Variants in CFAP20DC observed in about 807,000 individuals in gnomAD.
CFAP20DC encodes the protein CFAP20 domain containing.
Under a neutral mutation model 101.7 loss-of-function variants are expected in CFAP20DC, and 84 were observed. The ratio of observed to expected loss-of-function variants is 0.83; its 90% CI spans 0.69 to 0.99. The LOEUF (loss-of-function observed/expected upper bound fraction) is 0.99. CFAP20DC is among the 50% of genes least tolerant of loss of function. CFAP20DC has a pLI of 0.00. For synonymous variants in CFAP20DC, 359 were observed against 351.2 expected (o/e 1.02, Z -0.25); for missense variants, 1,007 against 970.3 (o/e 1.04, Z -0.50).
At position 59,030,115 on chromosome 3, in the gene CFAP20DC, C is replaced by T. The variant is rs115732057; in HGVS notation, c.278+9442G>A. Reference sequence around the variant, plus strand: ...TGTATCTTTGTGAAACAAAATGCCTCTCCCATTCTGACAATGAAAAATTTT... The same window carrying T: ...TGTATCTTTGTGAAACAAAATGCCTTTCCCATTCTGACAATGAAAAATTTT... On this transcript the variant is annotated intron_variant, in intron 4 of 16. Coordinates refer to ENST00000482387, the MANE Select transcript of CFAP20DC (RefSeq NM_001394063.1). 3.2e-3 allele frequency among the ~76,000 whole-genome samples: 483 copies of T among 152,320 alleles called. 4 individuals carry two copies. Among genetic ancestry groups the T allele is most frequent in the African/African-American group, 0.011 (465 of 41,562 alleles).
intron 4 of CFAP20DC, among the ~76,000 whole-genome samples, chr3:58,948,709 T>G (rs551783473): frequency 6.6e-6 from 1 of 152,208 alleles, no homozygotes; most frequent in Middle Eastern, 3.2e-3. Flanking sequence ...TATTGAGGAT[T>G]TTTGCATCGA....
rs567076674 is a variant in CFAP20DC at position 58,825,465 on chromosome 3, A to G, written c.2175+6221T>C. 5.3e-5 allele frequency among the ~76,000 whole-genome samples: 8 copies of G among 152,230 alleles called. No individual in the cohort carries two copies. In the South Asian group the frequency reaches 1.0e-3, roughly 20 times the overall value. On this transcript the variant is annotated intron_variant, in intron 14 of 16. Coordinates refer to ENST00000482387, the MANE Select transcript of CFAP20DC (RefSeq NM_001394063.1). Reference sequence around the variant, plus strand: ...AATTTGAGCCCAGGTTGACTGATCTAGAGTTTATATTTGTTTGGGCATCCC... The same window carrying G: ...AATTTGAGCCCAGGTTGACTGATCTGGAGTTTATATTTGTTTGGGCATCCC...
intron 4 of CFAP20DC, among the ~76,000 whole-genome samples, chr3:59,010,381 G>A (rs2093555185): frequency 6.6e-6 from 1 of 151,946 alleles, no homozygotes; most frequent in Non-Finnish European, 1.5e-5. Context: ...CCATGTAAAT[G>A]GAAACCAAAA....
intron 6 of CFAP20DC, among the ~76,000 whole-genome samples, chr3:58,907,449 G>T (rs1485187736): frequency 6.6e-6 from 1 of 152,186 alleles, no homozygotes; most frequent in Non-Finnish European, 1.5e-5. Flanking sequence ...TCATCCCGGG[G>T]TCTGGTGAAC....
rs562991040 is a variant in CFAP20DC at position 58,833,678 on chromosome 3, T to C, written c.1972-1789A>G. On this transcript the variant is annotated intron_variant, in intron 13 of 16. Transcript: ENST00000482387. ...ACAGTTTGGCAGTTCCTCAAAATGT[T>C]AAACATCTGAGTTACCATGTGACCC... is the stretch of plus-strand genomic sequence containing the variant. Among the ~76,000 whole-genome samples, 14 of 152,308 alleles carry C rather than the reference T, an allele frequency of 9.2e-5. No individual in the cohort carries two copies. The East Asian group carries it at 1.7e-3, about 19-fold the overall frequency.
intron 14 of CFAP20DC, among the ~76,000 whole-genome samples, chr3:58,806,879 T>C (rs541208843): frequency 4.6e-5 from 7 of 152,156 alleles, no homozygotes; most frequent in Non-Finnish European, 1.0e-4. Context: ...ACTGCACTTT[T>C]CCAACGGGCT....
chr3:58,906,798 C>T (rs1193646330), intron 6 of CFAP20DC, among the ~76,000 whole-genome samples: 1 of 152,006 alleles, frequency 6.6e-6, no homozygotes, highest in East Asian at 1.9e-4. Context: ...GCAGGTGGTA[C>T]ACACCTGTAG....
chr3:58,808,625 G>C (rs903599343), intron 14 of CFAP20DC, among the ~76,000 whole-genome samples: 11 of 152,226 alleles, frequency 7.2e-5, no homozygotes, highest in Middle Eastern at 3.4e-3. Context: ...AAATTGTAAA[G>C]ACCATCGAGG....
At chr3:58,972,893 A>G (rs2092032009) in intron 4 of CFAP20DC, among the ~76,000 whole-genome samples, 1 of 152,218 alleles carries the variant, frequency 6.6e-6, no homozygotes, top group African/African-American at 2.4e-5. Context: ...CGTTCATTTT[A>G]TGGGGAGAAG....
At chr3:58,945,596 A>G (rs945099554) in intron 4 of CFAP20DC, among the ~76,000 whole-genome samples, 4 of 152,004 alleles carry the variant, frequency 2.6e-5, no homozygotes, top group African/African-American at 9.7e-5. Context: ...AAATCCTCTC[A>G]GTTATTAGCG....
chr3:58,839,477 A>G (rs1440938189), intron 13 of CFAP20DC, among the ~76,000 whole-genome samples: 1 of 152,214 alleles, frequency 6.6e-6, no homozygotes, highest in African/African-American at 2.4e-5. Context: ...GTCACATAAA[A>G]GCTTCTGAGT....
intron 13 of CFAP20DC, among the ~76,000 whole-genome samples, chr3:58,839,669 T>G (rs1198333993): frequency 6.6e-6 from 1 of 152,178 alleles, no homozygotes; most frequent in Non-Finnish European, 1.5e-5. Flanking sequence ...TATTAAAGAA[T>G]TGACAGTGAA....
chr3:58,933,493 C>G (rs1037493320), intron 5 of CFAP20DC, among the ~76,000 whole-genome samples: 8 of 152,156 alleles, frequency 5.3e-5, no homozygotes, highest in African/African-American at 1.9e-4. Flanking sequence ...CACACCACAC[C>G]TATTCCAAAA....
chr3:58,969,006 T>A (rs541319204), intron 4 of CFAP20DC, among the ~76,000 whole-genome samples: 1 of 152,294 alleles, frequency 6.6e-6, no homozygotes, highest in South Asian at 2.1e-4. Flanking sequence ...TTGTTGAAGA[T>A]CAGATGGCTG....
intron 4 of CFAP20DC, among the ~76,000 whole-genome samples, chr3:58,982,807 T>C (rs1267365317): frequency 6.6e-6 from 1 of 151,650 alleles, no homozygotes; most frequent in Admixed American, 6.6e-5. Flanking sequence ...TGTATACATA[T>C]GTAATAAACC....
In CFAP20DC at chr3:58,869,679, T is replaced by C. The variant is rs372337990; in HGVS notation, c.853-189A>G. ...AAATGGAAGGAGAAAAATAACGAGA[T>C]AAAATAGAAGACATGCAAGTCTCCT... is the stretch of plus-strand genomic sequence containing the variant. On this transcript the variant is annotated intron_variant, in intron 8 of 16. Coordinates refer to ENST00000482387, the MANE Select transcript of CFAP20DC (RefSeq NM_001394063.1). This position sits in a 1 kb window ranked among gnomAD's most constrained non-coding sequence, Gnocchi z 4.3. Among the ~76,000 whole-genome samples, 28 of 152,214 alleles carry C rather than the reference T, an allele frequency of 1.8e-4. No homozygotes were observed. In the East Asian group the frequency reaches 5.0e-3, roughly 27 times the overall value.
chr3:58,794,274 G>T, intron 15 of CFAP20DC: 1 of 446,548 alleles, frequency 2.2e-6, no homozygotes, highest in Non-Finnish European at 4.5e-6. Flanking sequence ...GCATTTTCTT[G>T]TCCTGAGCAC....
Position 58,941,204 on chromosome 3 carries a change from C to G in CFAP20DC, c.279-3442G>C, listed in dbSNP as rs147287525. Among the ~76,000 whole-genome samples, 1,432 of 151,628 alleles carry G rather than the reference C, an allele frequency of 9.4e-3. 9 individuals carry two copies. Among genetic ancestry groups the G allele is most frequent in the Non-Finnish European group, 0.014 (933 of 67,946 alleles). On this transcript the variant is annotated intron_variant, in intron 4 of 16. Transcript: ENST00000482387. ...ATTAGCTGGGTGTAGTGGCACATGC[C>G]TATAATCCCAGCTACTCAGGAGGGT... is the stretch of plus-strand genomic sequence containing the variant.
chr3:58,806,884 C>A (rs904230371), intron 14 of CFAP20DC, among the ~76,000 whole-genome samples: 1 of 152,148 alleles, frequency 6.6e-6, no homozygotes, highest in Admixed American at 6.5e-5. Flanking sequence ...ACTTTTCCAA[C>A]GGGCTTAAAA....
Sources: gnomAD v4.1 joint callset for allele counts (sites outside exome capture counted in the v4.1 genomes callset) on GRCh38, gnomAD v4.1.1 for gene constraint, Gnocchi (gnomAD v3.1) non-coding constraint, MANE v1.5 for transcripts, NCBI Gene and HGNC (gene_info 2026-07-23, HGNC 2026-07-21) for gene names.